DSCAM: variants seen among roughly 807,000 people sequenced by gnomAD.
DSCAM encodes DS cell adhesion molecule.
DSCAM carries 47 observed loss-of-function variants against 217.7 expected under a neutral mutation model. The observed-to-expected ratio is 0.22, with a 90% CI of 0.17 to 0.28. DSCAM has a LOEUF of 0.28. Ranked by LOEUF, DSCAM falls within the 10% of genes least tolerant of loss-of-function variation. DSCAM has a pLI of 1.00. For missense variants in DSCAM, 2,080 were observed against 2,618.3 expected (o/e 0.79, Z 4.49); for synonymous variants, 1,056 against 1,015.3 (o/e 1.04, Z -0.76).
chr21:40,671,851 G>C (rs946197139), intron 3 of DSCAM, among the ~76,000 whole-genome samples: 3 of 152,204 alleles, frequency 2.0e-5, no homozygotes, highest in Admixed American at 6.5e-5. Context: ...AGAAACCACA[G>C]TCAGACAGAA....
At chr21:40,237,935 C>T (rs1273300385) in intron 11 of DSCAM, among the ~76,000 whole-genome samples, 1 of 152,214 alleles carries the variant, frequency 6.6e-6, no homozygotes. Context: ...CCCTTAATCA[C>T]ATCTGCAAAG....
chr21:40,585,960 G>A (rs929584215), intron 3 of DSCAM, among the ~76,000 whole-genome samples: 1 of 152,154 alleles, frequency 6.6e-6, no homozygotes, highest in East Asian at 1.9e-4. Context: ...AAGTTCAAGC[G>A]ATTCGCCTGC....
intron 3 of DSCAM, among the ~76,000 whole-genome samples, chr21:40,488,693 G>C (rs1031516349): frequency 5.3e-5 from 8 of 152,272 alleles, no homozygotes; most frequent in Admixed American, 4.6e-4. Context: ...GGATATTATA[G>C]CTCGAACAGT....
intron 27 of DSCAM, among the ~76,000 whole-genome samples, chr21:40,071,123 G>A (rs1568925073): frequency 6.6e-6 from 1 of 152,136 alleles, no homozygotes; most frequent in African/African-American, 2.4e-5. Flanking sequence ...TACTTGACAC[G>A]GGATCACATT....
At chr21:40,131,244 G>T (rs1018407642) in intron 19 of DSCAM, among the ~76,000 whole-genome samples, 29 of 152,152 alleles carry the variant, frequency 1.9e-4, no homozygotes, top group African/African-American at 7.0e-4. Flanking sequence ...CTTCCAATCA[G>T]ATAAATAAAA....
intron 3 of DSCAM, among the ~76,000 whole-genome samples, chr21:40,424,981 C>T (rs1164703727): frequency 6.6e-6 from 1 of 151,810 alleles, no homozygotes; most frequent in East Asian, 2.0e-4. Flanking sequence ...GCCTGTAATC[C>T]CAGCTATTCT....
intron 2 of DSCAM, among the ~76,000 whole-genome samples, chr21:40,705,733 T>C (rs2090707907): frequency 6.6e-6 from 1 of 151,900 alleles, no homozygotes; most frequent in South Asian, 2.1e-4. Flanking sequence ...CCCATGGGGA[T>C]TATGGGGATT....
At chr21:40,305,893 T>C (rs901551983) in intron 9 of DSCAM, among the ~76,000 whole-genome samples, 7 of 152,196 alleles carry the variant, frequency 4.6e-5, no homozygotes, top group African/African-American at 1.7e-4. Flanking sequence ...CCAGCTTTGT[T>C]CTTTTGGCTT....
rs143307362 is a variant in DSCAM at position 40,623,001 on chromosome 21, C to T, written c.508+69809G>A. Among the ~76,000 whole-genome samples the T allele has an allele frequency of 1.9e-3, 286 of 152,246 alleles. 1 individual carries two copies. Among genetic ancestry groups the T allele is most frequent in the African/African-American group, 6.6e-3 (276 of 41,542 alleles). ...TTATTACTAAATTAGTAGCTATCCT[C>T]ACATACATCAAATATTGTCAACACT... On this transcript the variant is annotated intron_variant, in intron 3 of 32. Transcript: ENST00000400454.
chr21:40,070,260 GGGAGGGAGGGAGTGAA>G (rs1601296293), intron 27 of DSCAM, among the ~76,000 whole-genome samples: 1 of 146,678 alleles, frequency 6.8e-6, no homozygotes, highest in Non-Finnish European at 1.5e-5. Flanking sequence ...GAAGGAGGGA[GGGAGGGAGGGAGTGAA>G]GGAGGGAGGG....
chr21:40,502,322 TATC>T (rs1424331862), intron 3 of DSCAM, among the ~76,000 whole-genome samples: 2 of 152,154 alleles, frequency 1.3e-5, no homozygotes, highest in Admixed American at 1.3e-4. Context: ...AAGAAGAACA[TATC>T]ATACATCATG....
chr21:40,165,143 GCTCC>G (rs1317872492), intron 16 of DSCAM, among the ~76,000 whole-genome samples: 1 of 152,146 alleles, frequency 6.6e-6, no homozygotes, highest in Non-Finnish European at 1.5e-5. Flanking sequence ...CAGATGTGGG[GCTCC>G]CTCTTTGGGG....
intron 3 of DSCAM, among the ~76,000 whole-genome samples, chr21:40,622,318 C>T (rs1467477688): frequency 6.6e-6 from 1 of 152,118 alleles, no homozygotes; most frequent in African/African-American, 2.4e-5. Flanking sequence ...GGAAGCGCCA[C>T]AATTTCTAGA....
chr21:40,123,935 G>A (rs2090065187), intron 20 of DSCAM, among the ~76,000 whole-genome samples: 1 of 152,150 alleles, frequency 6.6e-6, no homozygotes, highest in South Asian at 2.1e-4. Context: ...ATTTTGATCA[G>A]GCTGCTGGCA....
intron 11 of DSCAM, among the ~76,000 whole-genome samples, chr21:40,246,214 C>A (rs2073221858): frequency 6.6e-6 from 1 of 151,396 alleles, no homozygotes; most frequent in African/African-American, 2.4e-5. Context: ...TCCTATACGT[C>A]CAGAAAGAAG....
chr21:40,177,992 G>T (rs889734270), intron 15 of DSCAM, among the ~76,000 whole-genome samples: 2 of 152,192 alleles, frequency 1.3e-5, no homozygotes, highest in African/African-American at 4.8e-5. Context: ...GTGGCTGATT[G>T]CTCTGATGGT....
At chr21:40,711,304 T>G (rs1280534614) in intron 1 of DSCAM, among the ~76,000 whole-genome samples, 1 of 152,202 alleles carries the variant, frequency 6.6e-6, no homozygotes, top group Admixed American at 6.5e-5. Flanking sequence ...GTCTATGTGA[T>G]AAAATACATG....
chr21:40,746,462 G>A (rs1036688498), intron 1 of DSCAM, among the ~76,000 whole-genome samples: 6 of 150,424 alleles, frequency 4.0e-5, no homozygotes, highest in Non-Finnish European at 8.9e-5. Context: ...AAAAGACCAT[G>A]ATATAATGAC....
intron 4 of DSCAM, among the ~76,000 whole-genome samples, chr21:40,366,826 G>A (rs1046243866): frequency 2.0e-5 from 3 of 152,162 alleles, no homozygotes; most frequent in Admixed American, 2.0e-4. Flanking sequence ...GGATTGAACT[G>A]TATGGGCTTC....
Sources: allele counts gnomAD v4.1 joint callset (sites outside exome capture counted in the v4.1 genomes callset), GRCh38; gene constraint gnomAD v4.1.1; transcripts MANE v1.5; gene names NCBI Gene and HGNC (gene_info 2026-07-23, HGNC 2026-07-21).